Variants in PDCD4 observed in about 807,000 individuals in gnomAD.
The protein encoded by PDCD4 is programmed cell death 4, also known as programmed cell death protein 4.
PDCD4 carries 56 observed loss-of-function variants against 54.0 expected under a neutral mutation model. The observed-to-expected ratio is 1.04, with a 90% confidence interval of 0.84 to 1.30. The LOEUF (loss-of-function observed/expected upper bound fraction) is 1.30. Among genes scored for constraint, PDCD4 ranks in the 50% most tolerant of loss-of-function variants. PDCD4 has a pLI of 0.00. For synonymous variants in PDCD4, 186 were observed against 194.8 expected (o/e 0.95, Z 0.37); for missense variants, 584 against 559.8 (o/e 1.04, Z -0.44).
intron 4 of PDCD4, among the ~76,000 whole-genome samples, chr10:110,884,509 TTTA>T (rs944413943): frequency 7.2e-5 from 11 of 152,194 alleles, no homozygotes; most frequent in African/African-American, 2.7e-4. Flanking sequence ...TGTTATACTT[TTTA>T]TTATAATAAT....
Position 110,894,200 on chromosome 10 carries a change from T to G in PDCD4, c.1098+2T>G. The G allele has an allele frequency of 6.7e-7, 1 of 1,482,042 alleles. No individual in the cohort carries two copies. Among genetic ancestry groups the G allele is most frequent in the Non-Finnish European group, 9.4e-7 (1 of 1,060,052 alleles). 91.8% of individuals were successfully genotyped at this position (1,482,042 alleles called of 1,614,324 possible). Reference sequence around the variant, plus strand: ...TTTCACCATGAGCTTGTATATGAAGTAAGATTACCTTGCCATGTCAAAGAT... The same window carrying G: ...TTTCACCATGAGCTTGTATATGAAGGAAGATTACCTTGCCATGTCAAAGAT... On this transcript the variant is annotated splice_donor_variant, in intron 9 of 11. Transcript: ENST00000280154. LOFTEE classifies it high-confidence loss of function.
chr10:110,880,190 T>TA (rs2135195625), intron 2 of PDCD4: 1 of 152,330 alleles, frequency 6.6e-6, no homozygotes, highest in South Asian at 2.1e-4. Flanking sequence ...AAGAAGGACA[T>TA]ACAGTCTAGT....
In PDCD4 at chr10:110,898,074, C is replaced by A. The variant is rs1049144897; in HGVS notation, c.1396C>A (p.Pro466Thr). The A allele has an allele frequency of 1.3e-6, 2 of 1,579,366 alleles. No homozygotes were observed. The highest frequency in any genetic ancestry group is 2.3e-5 in the East Asian group (1 of 44,010). Residue 466 changes from proline to threonine, a missense_variant, in exon 12 of 12, where the codon CCA becomes ACA. By Grantham distance (38) the Pro-to-Thr change is conservative. Coordinates refer to ENST00000280154, the MANE Select transcript of PDCD4 (RefSeq NM_014456.5). Reference sequence around the variant, plus strand: ...CGAAGGAGATGGAGGTCGTCTTAAACCAGAGAGCTACTGAATATAAGAACT... The same window carrying A: ...CGAAGGAGATGGAGGTCGTCTTAAAACAGAGAGCTACTGAATATAAGAACT... ...VSEGDGGRLK[P>T]ESY
intron 3 of PDCD4, among the ~76,000 whole-genome samples, chr10:110,881,825 C>T (rs966018378): frequency 2.6e-5 from 4 of 152,094 alleles, no homozygotes; most frequent in Admixed American, 6.5e-5. Flanking sequence ...ACGAGTTTTA[C>T]GTATATTCTC....
At chr10:110,892,652 G>A (rs1298707624) in intron 8 of PDCD4, among the ~76,000 whole-genome samples, 1 of 152,136 alleles carries the variant, frequency 6.6e-6, no homozygotes, top group Non-Finnish European at 1.5e-5. Flanking sequence ...GTCCCATAAG[G>A]TTATAACGGA....
Position 110,889,535 on chromosome 10 carries a change from G to C in PDCD4, c.780G>C (p.Leu260Phe), listed in dbSNP as rs755673044. The stretch of plus-strand genomic sequence containing the variant: ...TCTTTTTTTTTTCCTTTTTACAGTT[G>C]GTGGGCCAGTTTATTGCTAGAGCTG... ...LALDTPRAPQ[L>F]VGQFIARAVG... Residue 260 changes from leucine (L) to phenylalanine (F), a missense_variant and splice_region_variant, in exon 7 of 12, where the codon TTG becomes TTC. Physicochemically the swap from Leu to Phe is conservative, Grantham distance 22. Coordinates refer to ENST00000280154, the MANE Select transcript of PDCD4 (RefSeq NM_014456.5). The C allele has an allele frequency of 1.3e-6, 2 of 1,552,422 alleles. No homozygotes were observed. Among genetic ancestry groups the C allele is most frequent in the Admixed American group, 1.8e-5 (1 of 56,256 alleles).
intron 6 of PDCD4, 36 bp downstream of exon 6, chr10:110,887,922 A>T (rs769034727): frequency 2.5e-5 from 33 of 1,337,494 alleles, no homozygotes; most frequent in Non-Finnish European, 3.2e-5. Flanking sequence ...ATTCCCTCCC[A>T]CTACTATATT....
At chr10:110,872,350 C>T (rs547267903) in intron 1 of PDCD4, 61 of 152,456 alleles carry the variant, frequency 4.0e-4, no homozygotes, top group Non-Finnish European at 8.4e-4. Flanking sequence ...TGAAGGTCCC[C>T]CTCAGCCCTC....
intron 5 of PDCD4, among the ~76,000 whole-genome samples, 179 bp from the exon 6 acceptor site, chr10:110,887,486 T>C (rs1402512244): frequency 6.6e-6 from 1 of 152,226 alleles, no homozygotes; most frequent in East Asian, 1.9e-4. Context: ...GTCTGATTTA[T>C]GCACAGGGAA....
chr10:110,894,618 T>C, intron 10 of PDCD4, 96 bp downstream of exon 10: 1 of 624,462 alleles, frequency 1.6e-6, no homozygotes, highest in Non-Finnish European at 2.8e-6. Context: ...TTTCTTTAGG[T>C]ATGTTTAGTG....
chr10:110,877,248 T>C (rs1261223912), intron 2 of PDCD4, among the ~76,000 whole-genome samples: 1 of 152,200 alleles, frequency 6.6e-6, no homozygotes, highest in Non-Finnish European at 1.5e-5. Context: ...AATTGCTTCT[T>C]TTCTGCACTG....
intron 7 of PDCD4, 37 bp from the exon 8 acceptor site, chr10:110,890,518 TC>T: frequency 8.1e-7 from 1 of 1,229,942 alleles, no homozygotes; most frequent in Non-Finnish European, 1.2e-6. Context: ...TTTAGGTATG[TC>T]CAGCTATCAA....
chr10:110,882,953 CA>C, intron 3 of PDCD4, 49 bp from the exon 4 acceptor site: 3 of 1,102,146 alleles, frequency 2.7e-6, no homozygotes, highest in Non-Finnish European at 4.1e-6. Flanking sequence ...TAGATTTCAA[CA>C]AATTGATGAA....
rs1214233230 is a variant in PDCD4, at chr10:110,898,845, T to C, written c.*757T>C. 1 of 152,590 alleles carries C rather than the reference T, an allele frequency of 6.6e-6. No homozygotes were observed. Among genetic ancestry groups the C allele is most frequent in the Non-Finnish European group, 1.5e-5 (1 of 68,032 alleles). 9.5% of individuals were successfully genotyped at this position (152,590 alleles called of 1,614,324 possible). A position where few individuals can be genotyped will look rare whatever the true frequency, so the allele number is the denominator to read the frequency against. On this transcript the variant is annotated 3_prime_UTR_variant, in exon 12 of 12. Coordinates refer to ENST00000280154, the MANE Select transcript of PDCD4 (RefSeq NM_014456.5). ...GCATATTTGAACCTAGTCAATTTAA[T>C]CTTAGTGTTCCCTTGAAAACTTTTT...
At chr10:110,874,426 A>G (rs1165346165) in intron 1 of PDCD4, among the ~76,000 whole-genome samples, 3 of 152,206 alleles carry the variant, frequency 2.0e-5, no homozygotes, top group Non-Finnish European at 4.4e-5. Context: ...TGGAATTAAA[A>G]CAGAATGTAG....
intron 1 of PDCD4, among the ~76,000 whole-genome samples, chr10:110,873,168 G>A (rs1590723906): frequency 6.6e-6 from 1 of 152,188 alleles, no homozygotes; most frequent in Non-Finnish European, 1.5e-5. Flanking sequence ...ATCTCAGTAA[G>A]TGTATTTGAA....
chr10:110,898,042 T>C lies in PDCD4; in HGVS notation c.1364T>C (p.Phe455Ser). 1 of 1,592,186 alleles carries C rather than the reference T, an allele frequency of 6.3e-7. No individual in the cohort carries two copies. The highest frequency in any genetic ancestry group is 8.6e-7 in the Non-Finnish European group (1 of 1,167,426). The part of the protein sequence containing the change: ...DLCPSRGRKR[F>S]VSEGDGGRLK... ...CTTCATTACAGGGGCAGAAAGCGTT[T>C]TGTAAGCGAAGGAGATGGAGGTCGT... Residue 455 changes from phenylalanine to serine, a missense_variant, in exon 12 of 12, where the codon TTT becomes TCT. Coordinates refer to ENST00000280154, the MANE Select transcript of PDCD4 (RefSeq NM_014456.5).
chr10:110,892,210 C>T (rs1424415626), intron 8 of PDCD4, among the ~76,000 whole-genome samples: 1 of 151,998 alleles, frequency 6.6e-6, no homozygotes, highest in Non-Finnish European at 1.5e-5. Flanking sequence ...TTAAGGAAGA[C>T]CTAAATAAAT....
At chr10:110,881,676 T>G in intron 3 of PDCD4, 141 bp downstream of exon 3, 1 of 634,610 alleles carries the variant, frequency 1.6e-6, no homozygotes, top group Non-Finnish European at 2.6e-6. Context: ...TGTATATATT[T>G]TTACTTAGTA....
Sources: gnomAD v4.1 joint callset for allele counts (sites outside exome capture counted in the v4.1 genomes callset) on GRCh38, gnomAD v4.1.1 for gene constraint, MANE v1.5 for transcripts, NCBI Gene and HGNC (gene_info 2026-07-23, HGNC 2026-07-21) for gene names.